NDEL1: variants seen among roughly 807,000 people sequenced by gnomAD.
NDEL1 encodes nudE neurodevelopment protein 1 like 1.
In NDEL1, 9 loss-of-function variants were observed where a neutral mutation model predicts 45.7. The observed-to-expected ratio is 0.20, with a 90% confidence interval of 0.12 to 0.34. NDEL1 has a LOEUF of 0.34. NDEL1 is among the 10% of genes least tolerant of loss of function. The pLI is 1.00. For synonymous variants in NDEL1, 133 were observed against 158.6 expected (o/e 0.84, Z 1.21); for missense variants, 306 against 406.2 (o/e 0.75, Z 2.12).
At chr17:8,448,770 T>A in intron 5 of NDEL1, 84 bp downstream of exon 5, 1 of 1,324,990 alleles carries the variant, frequency 7.5e-7, no homozygotes, top group Non-Finnish European at 1.0e-6. Flanking sequence ...CTCTGATTTT[T>A]TTTCAACCAA....
downstream of NDEL1, among the ~76,000 whole-genome samples, chr17:8,472,133 G>A (rs1911850188): frequency 6.6e-6 from 1 of 152,172 alleles, no homozygotes; most frequent in Non-Finnish European, 1.5e-5. Flanking sequence ...CAGTCTTGAT[G>A]TGGACATGTC....
At chr17:8,437,860 A>T (rs1264582486) in intron 1 of NDEL1, among the ~76,000 whole-genome samples, 1 of 146,274 alleles carries the variant, frequency 6.8e-6, no homozygotes, top group African/African-American at 2.5e-5. Flanking sequence ...GGTCATACAC[A>T]GTATGATAAT....
intron 7 of NDEL1, among the ~76,000 whole-genome samples, chr17:8,458,338 A>G (rs1437990059): frequency 6.6e-6 from 1 of 152,046 alleles, no homozygotes; most frequent in Non-Finnish European, 1.5e-5. Flanking sequence ...TCTTAATCAC[A>G]GCCATAGTTT....
chr17:8,462,343 A>T (rs897829323), intron 8 of NDEL1, among the ~76,000 whole-genome samples: 7 of 152,160 alleles, frequency 4.6e-5, no homozygotes, highest in African/African-American at 1.7e-4. Flanking sequence ...CTGAAATATT[A>T]ACCTACTGTT....
At chr17:8,468,278 CAG>C (rs1054817040), downstream of NDEL1, 2 of 152,252 alleles carry the variant, frequency 1.3e-5, no homozygotes, top group African/African-American at 4.8e-5. Flanking sequence ...TGGAATGGGA[CAG>C]AGATCAGGTG....
At chr17:8,469,846 C>T (rs959335771), downstream of NDEL1, among the ~76,000 whole-genome samples, 5 of 149,710 alleles carry the variant, frequency 3.3e-5, no homozygotes, top group East Asian at 2.0e-4. Flanking sequence ...TGGCGCCCGC[C>T]GCCATGCCTG....
At chr17:8,468,508 T>C (rs1041921499), downstream of NDEL1, among the ~76,000 whole-genome samples, 3 of 152,256 alleles carry the variant, frequency 2.0e-5, no homozygotes, top group Non-Finnish European at 4.4e-5. Context: ...GTGCTGCCAT[T>C]CATGACAGAT....
At chr17:8,423,160 T>A (rs568430849) in intron 1 of NDEL1, among the ~76,000 whole-genome samples, 1 of 152,238 alleles carries the variant, frequency 6.6e-6, no homozygotes, top group East Asian at 1.9e-4. Flanking sequence ...TTTTAAATGG[T>A]TGGGGTATTA....
intron 1 of NDEL1, chr17:8,436,559 C>G (rs1333288354): frequency 1.3e-5 from 2 of 152,472 alleles, no homozygotes; most frequent in African/African-American, 4.8e-5. Context: ...TTGGCATTCT[C>G]CTGACTCCCG....
chr17:8,435,006 G>A (rs1427691616), upstream of NDEL1, among the ~76,000 whole-genome samples: 2 of 151,986 alleles, frequency 1.3e-5, no homozygotes, highest in African/African-American at 4.8e-5. Context: ...GGAGGCGGAG[G>A]TTGCAGTGAG....
At position 8,467,141 on chromosome 17, in the gene NDEL1, CAG is replaced by C. The variant is rs750501052; in HGVS notation, c.*121_*122del. On this transcript the variant is annotated 3_prime_UTR_variant, in exon 9 of 9. Transcript: ENST00000334527. The surrounding 1 kb of genome is among the most constrained non-coding windows in gnomAD (Gnocchi z 6.3). ...CCTCCGTCTGCCTCCGCACGGCTGG[CAG>C]AGGGCAGGCTGCATGCAGTGGCGGC... 1 of 999,840 alleles carries C rather than the reference CAG, an allele frequency of 1.0e-6. No individual in the cohort carries two copies. Among genetic ancestry groups the C allele is most frequent in the East Asian group, 2.4e-5 (1 of 41,450 alleles). 61.9% of individuals were successfully genotyped at this position (999,840 alleles called of 1,614,324 possible).
In NDEL1 at chr17:8,435,907, G is replaced by C; in HGVS notation, c.-151G>C. The C allele has an allele frequency of 6.7e-6, 3 of 448,308 alleles. No homozygotes were observed. The highest frequency in any genetic ancestry group is 1.3e-5 in the Non-Finnish European group (3 of 223,480). 27.8% of individuals were successfully genotyped at this position (448,308 alleles called of 1,614,324 possible). Reference sequence around the variant, plus strand: ...GCAGTCCCTGACGTGTCGGGGAGGAGCCGGGCGCGGAGGTACGCTGAGTGG... The same window carrying C: ...GCAGTCCCTGACGTGTCGGGGAGGACCCGGGCGCGGAGGTACGCTGAGTGG... On this transcript the variant is annotated 5_prime_UTR_variant, in exon 1 of 9. Coordinates refer to ENST00000334527, the MANE Select transcript of NDEL1 (RefSeq NM_030808.5).
At position 8,445,789 on chromosome 17, in the gene NDEL1, A is replaced by G. The variant is rs756216533; in HGVS notation, c.165A>G (p.Leu55=). ...RELEAELEAQ[L]VQAEQRNRDL... is the part of the protein sequence containing the mutation. ...TAGAAGCAGAGTTGGAGGCACAATT[A>G]GTACAGGCTGAACAAAGAAATAGAG... Residue 55 remains leucine (L), a synonymous_variant, in exon 3 of 9, where the codon TTA becomes TTG. Transcript: ENST00000334527. The G allele has an allele frequency of 1.3e-6, 2 of 1,597,264 alleles. No individual in the cohort carries two copies. Among genetic ancestry groups the G allele is most frequent in the Non-Finnish European group, 1.7e-6 (2 of 1,174,154 alleles).
intron 1 of NDEL1, among the ~76,000 whole-genome samples, chr17:8,413,488 A>G (rs117952801): frequency 2.6e-5 from 4 of 152,176 alleles, no homozygotes; most frequent in Admixed American, 2.6e-4. Context: ...TCCTGAAACC[A>G]TATCATTTGC....
upstream of NDEL1, among the ~76,000 whole-genome samples, chr17:8,432,581 T>C (rs940828067): frequency 6.6e-6 from 1 of 151,524 alleles, no homozygotes; most frequent in South Asian, 2.1e-4. Flanking sequence ...AGACGGGTTT[T>C]CACCGTGTTA....
intron 8 of NDEL1, chr17:8,466,167 A>T (rs1911575430): frequency 6.6e-6 from 1 of 152,182 alleles, no homozygotes; most frequent in South Asian, 2.1e-4. Flanking sequence ...ATGTAAGGAG[A>T]TTTGGAAAAT....
intron 1 of NDEL1, among the ~76,000 whole-genome samples, chr17:8,419,111 G>C (rs1908642436): frequency 6.6e-6 from 1 of 152,064 alleles, no homozygotes; most frequent in South Asian, 2.1e-4. Context: ...GGGGCTCTCA[G>C]AGTGCTGGGA....
chr17:8,429,055 G>T (rs574079854), intron 1 of NDEL1, among the ~76,000 whole-genome samples: 15 of 152,266 alleles, frequency 9.9e-5, no homozygotes, highest in African/African-American at 3.1e-4. Flanking sequence ...GATTATAGAC[G>T]CTATGGCCTG....
chr17:8,440,954 G>T (rs765442681), intron 1 of NDEL1, among the ~76,000 whole-genome samples: 130 of 152,254 alleles, frequency 8.5e-4, no homozygotes, highest in Middle Eastern at 3.4e-3. Flanking sequence ...AACTCTTTTC[G>T]TAGAAGAATT....
Sources: allele counts gnomAD v4.1 joint callset (sites outside exome capture counted in the v4.1 genomes callset), GRCh38; gene constraint gnomAD v4.1.1; non-coding constraint Gnocchi (gnomAD v3.1); transcripts MANE v1.5; gene names NCBI Gene and HGNC (gene_info 2026-07-23, HGNC 2026-07-21).